Variants in IL34 observed in about 807,000 individuals in gnomAD.
IL34 encodes the protein interleukin 34, also known as interleukin-34.
In IL34, 17 loss-of-function variants were observed where a neutral mutation model predicts 25.3. That is an observed-to-expected ratio of 0.67 (90% confidence interval 0.46 to 1.01). The LOEUF is 1.01. Among genes scored for constraint, IL34 ranks in the 50% least tolerant of loss-of-function variants. IL34 has a pLI of 0.00. For missense variants in IL34, 368 were observed against 312.9 expected (o/e 1.18, Z -1.33); for synonymous variants, 174 against 140.9 (o/e 1.23, Z -1.66).
intron 1 of IL34, among the ~76,000 whole-genome samples, chr16:70,581,299 C>T (rs1252704652): frequency 1.3e-5 from 2 of 152,296 alleles, no homozygotes; most frequent in Middle Eastern, 3.4e-3. Context: ...TTAACAGACC[C>T]ATCCCTGGAC....
chr16:70,637,882 A>G lies in IL34; in HGVS notation c.-400-8666A>G, dbSNP rs796724047. Among the ~76,000 whole-genome samples, 39 of 152,280 alleles carry G rather than the reference A, an allele frequency of 2.6e-4. 1 individual carries two copies. The highest frequency in any genetic ancestry group is 8.7e-4 in the African/African-American group (36 of 41,572). ...AGCAATCGGCACATGGTCAGCACTC[A>G]GTATATACCAGTTCTCAGATTTTGC... is the stretch of plus-strand genomic sequence containing the variant. On this transcript the variant is annotated intron_variant, in intron 1 of 6. Transcript: ENST00000429149.
chr16:70,606,539 C>T (rs1456678179), intron 1 of IL34, among the ~76,000 whole-genome samples: 1 of 152,168 alleles, frequency 6.6e-6, no homozygotes, highest in East Asian at 1.9e-4. Context: ...CACCCTCCAC[C>T]CCCAAACAAC....
rs1328591938 is a variant in IL34 at position 70,580,407 on chromosome 16, A to G, written c.-401+358A>G. On this transcript the variant is annotated intron_variant, in intron 1 of 6. Transcript: ENST00000429149. ...GGCATGGGCCGTGGGGCGCTGCTCC[A>G]CTATATATTGCCGTAGGTCTTTGGA... Among the ~76,000 whole-genome samples, 3 of 152,238 alleles carry G rather than the reference A, an allele frequency of 2.0e-5. No homozygotes were observed. The East Asian group carries it at 5.8e-4, about 29-fold the overall frequency.
At chr16:70,647,755 C>G (rs34644948) in intron 1 of IL34, among the ~76,000 whole-genome samples, 1 of 151,916 alleles carries the variant, frequency 6.6e-6, no homozygotes, top group Non-Finnish European at 1.5e-5. Flanking sequence ...TATGAGCCTG[C>G]GAGGGATTGA....
At chr16:70,592,729 A>C (rs1662788646) in intron 1 of IL34, among the ~76,000 whole-genome samples, 1 of 152,090 alleles carries the variant, frequency 6.6e-6, no homozygotes, top group African/African-American at 2.4e-5. Flanking sequence ...ATCTGGGCTC[A>C]CTGCAGCCTC....
At chr16:70,633,910 G>C (rs564296183) in intron 1 of IL34, among the ~76,000 whole-genome samples, 1 of 151,892 alleles carries the variant, frequency 6.6e-6, no homozygotes, top group East Asian at 1.9e-4. Context: ...GAGTGCGGTG[G>C]CGTGATCTTG....
chr16:70,583,603 G>T (rs1188821376), intron 1 of IL34, among the ~76,000 whole-genome samples: 2 of 152,080 alleles, frequency 1.3e-5, no homozygotes, highest in Non-Finnish European at 2.9e-5. Context: ...CCTGGCCTGG[G>T]AGTTGGGGCC....
intron 1 of IL34, among the ~76,000 whole-genome samples, chr16:70,648,575 A>AAAG (rs1555505902): frequency 2.3e-4 from 33 of 142,994 alleles, no homozygotes; most frequent in Admixed American, 1.5e-3. Context: ...AAAAAAAAAA[A>AAAG]GGAGAAAAGA....
At chr16:70,592,960 T>A (rs2050774111) in intron 1 of IL34, among the ~76,000 whole-genome samples, 1 of 152,246 alleles carries the variant, frequency 6.6e-6, no homozygotes, top group South Asian at 2.1e-4. Context: ...CCCTATTTTT[T>A]AAATTTTTCT....
At chr16:70,595,782 C>T (rs1260217561) in intron 1 of IL34, among the ~76,000 whole-genome samples, 1 of 152,024 alleles carries the variant, frequency 6.6e-6, no homozygotes, top group Non-Finnish European at 1.5e-5. Flanking sequence ...GAGGCCGAGA[C>T]AGATGGATTA....
intron 1 of IL34, among the ~76,000 whole-genome samples, chr16:70,625,340 C>T (rs57297161): frequency 0.039 from 5,897 of 149,782 alleles, 297 homozygotes; most frequent in African/African-American, 0.12. Context: ...GAAGGGGGGT[C>T]GGGGCATGGA....
At chr16:70,615,414 G>C (rs561328135) in intron 1 of IL34, among the ~76,000 whole-genome samples, 1 of 152,100 alleles carries the variant, frequency 6.6e-6, no homozygotes, top group Non-Finnish European at 1.5e-5. Context: ...GGTTGAGGCA[G>C]GAGAATTGCT....
chr16:70,608,151 TAG>T (rs2051038932), intron 1 of IL34, among the ~76,000 whole-genome samples: 1 of 124,180 alleles, frequency 8.1e-6, no homozygotes, highest in Non-Finnish European at 1.7e-5. Context: ...TTTTTTGAGA[TAG>T]AGTCTTGCTC....
At chr16:70,599,265 G>GTC (rs200642053) in intron 1 of IL34, among the ~76,000 whole-genome samples, 14,234 of 137,700 alleles carry the variant, frequency 0.1, 2,074 homozygotes, top group African/African-American at 0.3. Flanking sequence ...GTCAAGAACT[G>GTC]TTTCTTTCTT....
At chr16:70,644,931 GA>G (rs1567460966), upstream of IL34, among the ~76,000 whole-genome samples, 1 of 81,424 alleles carries the variant, frequency 1.2e-5, no homozygotes, top group Non-Finnish European at 2.2e-5. Context: ...GAGGAGGAAG[GA>G]GGAAGAGGAG....
chr16:70,641,854 C>T (rs1425173986), upstream of IL34, among the ~76,000 whole-genome samples: 1 of 152,024 alleles, frequency 6.6e-6, no homozygotes, highest in Admixed American at 6.6e-5. Context: ...AGGCATGAGC[C>T]ACTGCGCCTG....
At chr16:70,618,121 C>T (rs2051202750) in intron 1 of IL34, among the ~76,000 whole-genome samples, 1 of 152,106 alleles carries the variant, frequency 6.6e-6, no homozygotes, top group Non-Finnish European at 1.5e-5. Flanking sequence ...GGATAGATTT[C>T]CACAATGGAA....
chr16:70,646,988 G>A lies in IL34; in HGVS notation c.28+13G>A. 11 of 1,453,068 alleles carry A rather than the reference G, an allele frequency of 7.6e-6. No individual in the cohort carries two copies. The highest frequency in any genetic ancestry group is 3.0e-5 in the East Asian group (1 of 33,602). 90.0% of individuals were successfully genotyped at this position (1,453,068 alleles called of 1,614,324 possible). ...ACCTGGCTGCGCTGTGAGTACTGGGGGGTCCCTAGGGACCTGCATTGGGAG... is the reference window on the plus strand; with the variant it reads ...ACCTGGCTGCGCTGTGAGTACTGGGAGGTCCCTAGGGACCTGCATTGGGAG... On this transcript the variant is annotated intron_variant, in intron 1 of 5. Coordinates refer to ENST00000288098, the MANE Select transcript of IL34 (RefSeq NM_001393494.1).
At position 70,627,062 on chromosome 16, in the gene IL34, A is replaced by G. The variant is rs145630960; in HGVS notation, c.-400-19486A>G. 4.9e-3 allele frequency among the ~76,000 whole-genome samples: 741 copies of G among 152,190 alleles called. 1 individual carries two copies. Among genetic ancestry groups the G allele is most frequent in the Middle Eastern group, 0.01 (3 of 292 alleles). ...AGGCTGGTCTTGAACTTCTGGACTCAGGGGATCCTTCCACCTCAGCCTCCC... is the reference window on the plus strand; with the variant it reads ...AGGCTGGTCTTGAACTTCTGGACTCGGGGGATCCTTCCACCTCAGCCTCCC... On this transcript the variant is annotated intron_variant, in intron 1 of 6. Coordinates refer to the IL34 transcript ENST00000429149.
Sources: allele counts gnomAD v4.1 joint callset (sites outside exome capture counted in the v4.1 genomes callset), GRCh38; gene constraint gnomAD v4.1.1; transcripts MANE v1.5; gene names NCBI Gene and HGNC (gene_info 2026-07-23, HGNC 2026-07-21).